Variants in PRDM2 observed in about 807,000 individuals in gnomAD.
PRDM2 encodes PR/SET domain 2, also known as PR domain zinc finger protein 2.
PRDM2 carries 30 observed loss-of-function variants against 130.0 expected under a neutral mutation model. That is an observed-to-expected ratio of 0.23 (90% CI 0.17 to 0.31). PRDM2 has a LOEUF of 0.31. Ranked by LOEUF, PRDM2 falls within the 10% of genes least tolerant of loss-of-function variation. The probability of loss-of-function intolerance (pLI) is 1.00; values close to 1 mark genes in which losing one functional copy is unlikely to be tolerated. For synonymous variants in PRDM2, 871 were observed against 782.4 expected, an observed-to-expected ratio of 1.11 and a Z score of -1.89; for missense variants, 2,011 against 2,108.4, an observed-to-expected ratio of 0.95 and a Z score of 0.90.
At chr1:13,785,634 G>A (rs1455479515) in intron 8 of PRDM2, among the ~76,000 whole-genome samples, 1 of 151,608 alleles carries the variant, frequency 6.6e-6, no homozygotes, top group Non-Finnish European at 1.5e-5. Context: ...CAGTCATTCA[G>A]GTTCTCCTGC....
At chr1:13,815,028 G>C (rs59235401) in intron 8 of PRDM2, among the ~76,000 whole-genome samples, 5,208 of 152,272 alleles carry the variant, frequency 0.034, 304 homozygotes, top group African/African-American at 0.12. Context: ...GATTGTTTGT[G>C]TATGGAAAAT....
rs12563501 is a variant in PRDM2, at chr1:13,728,539, G to T, written c.10-2461G>T. 1.1e-4 allele frequency among the ~76,000 whole-genome samples: 17 copies of T among 152,262 alleles called. No individual in the cohort carries two copies. The East Asian group carries it at 1.9e-3, about 17-fold the overall frequency. ...AGGGAGGGCCCTGGGGCTGCCCAGC[G>T]TCTGGGTTGTGCTGCTGTGAACTGA... On this transcript the variant is annotated intron_variant, in intron 2 of 9. Coordinates refer to ENST00000311066, the MANE Select transcript of PRDM2 (RefSeq NM_001393986.1).
intron 5 of PRDM2, among the ~76,000 whole-genome samples, chr1:13,746,024 A>G (rs1365349872): frequency 6.6e-6 from 1 of 152,140 alleles, no homozygotes; most frequent in African/African-American, 2.4e-5. Flanking sequence ...TTCCTTACCC[A>G]GTATAAGGAA....
intron 1 of PRDM2, among the ~76,000 whole-genome samples, chr1:13,710,470 C>G (rs1642335108): frequency 6.6e-6 from 1 of 152,162 alleles, no homozygotes; most frequent in Non-Finnish European, 1.5e-5. Context: ...ACTGATTTGT[C>G]TAGAACTTGA....
rs1230745355 is a variant in PRDM2 at position 13,778,808 on chromosome 1, C to T, written c.1013C>T (p.Thr338Ile). 5 of 1,614,132 alleles carry T rather than the reference C, an allele frequency of 3.1e-6. No individual in the cohort carries two copies. Among genetic ancestry groups the T allele is most frequent in the South Asian group, 2.2e-5 (2 of 91,084 alleles). ...ACTCTTGAAGACTGCTCAGAGGTAA[C>T]ACCTGCCATGCAAATCCCCAGAACT... ...EETLEDCSEV[T>I]PAMQIPRTKE... Residue 338 changes from threonine to isoleucine, a missense_variant, in exon 8 of 10, where the codon ACA (threonine) becomes ATA (isoleucine). This residue lies in a region of PRDM2 where 1,288 missense variants were observed against 1,237.7 expected (regional missense o/e 1.04). Coordinates refer to ENST00000311066, the MANE Select transcript of PRDM2 (RefSeq NM_001393986.1).
At chr1:13,719,355 A>AT (rs1460050536) in intron 2 of PRDM2, among the ~76,000 whole-genome samples, 1 of 152,212 alleles carries the variant, frequency 6.6e-6, no homozygotes, top group Non-Finnish European at 1.5e-5. Context: ...AGAGCAAGCT[A>AT]TGGTCTGGAG....
At chr1:13,801,472 C>T (rs1310058414) in intron 8 of PRDM2, among the ~76,000 whole-genome samples, 2 of 152,224 alleles carry the variant, frequency 1.3e-5, no homozygotes, top group African/African-American at 4.8e-5. Flanking sequence ...CAGAGACACG[C>T]CCGTTTGGTT....
At chr1:13,755,040 T>C (rs763449048) in intron 6 of PRDM2, among the ~76,000 whole-genome samples, 20 of 152,202 alleles carry the variant, frequency 1.3e-4, no homozygotes, top group Non-Finnish European at 2.1e-4. Context: ...GGATGAACTC[T>C]GCTGCTGTTA....
At chr1:13,749,522 C>T in intron 6 of PRDM2, 35 bp downstream of exon 6, 1 of 1,265,218 alleles carries the variant, frequency 7.9e-7, no homozygotes, top group East Asian at 5.9e-5. Context: ...CCGGCCCCGG[C>T]GCCACGCCCG....
chr1:13,824,571 C>T lies in PRDM2; in HGVS notation c.*1436C>T, dbSNP rs1378603465. The T allele has an allele frequency of 2.0e-5, 3 of 152,084 alleles. No individual in the cohort carries two copies. Among genetic ancestry groups the T allele is most frequent in the East Asian group, 3.9e-4 (2 of 5,192 alleles). 9.4% of individuals were successfully genotyped at this position (152,084 alleles called of 1,614,324 possible). A position where few individuals can be genotyped will look rare whatever the true frequency, so the allele number is the denominator to read the frequency against. ...GGGCAGAAAAATGGTGGTCATTGGC[C>T]GACATCACAGTTTTCCTGTTTCCCA... On this transcript the variant is annotated 3_prime_UTR_variant, in exon 10 of 10. Coordinates refer to ENST00000311066, the MANE Select transcript of PRDM2 (RefSeq NM_001393986.1).
chr1:13,768,196 G>A (rs1644274923), intron 6 of PRDM2, among the ~76,000 whole-genome samples: 1 of 148,606 alleles, frequency 6.7e-6, no homozygotes, highest in Non-Finnish European at 1.5e-5. Context: ...TCCTGCCTCA[G>A]CCTCCCAAGT....
chr1:13,754,052 C>T (rs989836270), intron 6 of PRDM2, among the ~76,000 whole-genome samples: 1 of 152,030 alleles, frequency 6.6e-6, no homozygotes, highest in Non-Finnish European at 1.5e-5. Flanking sequence ...GAGGTATGGC[C>T]TGACTGTAGG....
At chr1:13,734,763 C>G (rs1569795146) in intron 4 of PRDM2, among the ~76,000 whole-genome samples, 1 of 152,080 alleles carries the variant, frequency 6.6e-6, no homozygotes, top group East Asian at 1.9e-4. Context: ...TAAAAAAAAT[C>G]TCATTCAAGT....
At chr1:13,716,811 G>A (rs2100420233) in intron 2 of PRDM2, among the ~76,000 whole-genome samples, 1 of 152,154 alleles carries the variant, frequency 6.6e-6, no homozygotes, top group Non-Finnish European at 1.5e-5. Context: ...ATGTTCATAA[G>A]CACTTACTTT....
intron 7 of PRDM2, 149 bp from the exon 8 acceptor site, chr1:13,778,269 G>C (rs1644524016): frequency 1.2e-6 from 1 of 830,182 alleles, no homozygotes; most frequent in African/African-American, 1.7e-5. Flanking sequence ...TGTCAATTAA[G>C]TATATAAAGT....
In PRDM2 at chr1:13,770,864, G is replaced by A. The variant is rs574647971; in HGVS notation, c.512-2214G>A. Among the ~76,000 whole-genome samples, 8 of 152,324 alleles carry A rather than the reference G, an allele frequency of 5.3e-5. No homozygotes were observed. In the South Asian group the frequency reaches 6.2e-4, roughly 12 times the overall value. ...TCTTCACATGGTAATAAAAGAAGCC[G>A]TGAATTTCCTCACACATCAGTTGCA... On this transcript the variant is annotated intron_variant, in intron 6 of 9. Coordinates refer to ENST00000311066, the MANE Select transcript of PRDM2 (RefSeq NM_001393986.1).
At chr1:13,804,314 C>T (rs189084111) in intron 8 of PRDM2, among the ~76,000 whole-genome samples, 1 of 152,146 alleles carries the variant, frequency 6.6e-6, no homozygotes. Context: ...CCCCTGCCCC[C>T]CAAGGCCTAC....
At chr1:13,761,060 C>T (rs1436333045) in intron 6 of PRDM2, among the ~76,000 whole-genome samples, 3 of 152,246 alleles carry the variant, frequency 2.0e-5, no homozygotes, top group Non-Finnish European at 2.9e-5. Flanking sequence ...CTCTTAAAAG[C>T]TGTCTTGTTT....
rs188397469 is a variant in PRDM2 at position 13,822,496 on chromosome 1, C to T, written c.*24-663C>T. ...CTGCAAGCTCCGCCTCCCAGGTTCA[C>T]GCCATTCTCCTGCCTTAGCCTCCTG... On this transcript the variant is annotated intron_variant, in intron 9 of 9. Coordinates refer to ENST00000311066, the MANE Select transcript of PRDM2 (RefSeq NM_001393986.1). 5.3e-4 allele frequency among the ~76,000 whole-genome samples: 81 copies of T among 151,602 alleles called. 2 individuals are homozygous for T. In the East Asian group the frequency reaches 0.013, roughly 25 times the overall value.
Sources: allele counts gnomAD v4.1 joint callset (sites outside exome capture counted in the v4.1 genomes callset), GRCh38; gene constraint gnomAD v4.1.1; regional missense constraint gnomAD v4.1.1; transcripts MANE v1.5; gene names NCBI Gene and HGNC (gene_info 2026-07-23, HGNC 2026-07-21).